PDE4B: variants seen among roughly 807,000 people sequenced by gnomAD.
PDE4B encodes the protein 3',5'-cyclic-AMP phosphodiesterase 4B.
In PDE4B, 20 loss-of-function variants were observed where a neutral mutation model predicts 82.2. That is an observed-to-expected ratio of 0.24 (90% CI 0.17 to 0.35). PDE4B has a LOEUF of 0.35. Ranked by LOEUF, PDE4B falls within the 10% of genes least tolerant of loss-of-function variation. The pLI is 1.00. For missense variants in PDE4B, 655 were observed against 907.2 expected (o/e 0.72, Z 3.57); for synonymous variants, 320 against 318.9 (o/e 1.00, Z -0.04).
At chr1:66,168,827 G>A (rs1175888234) in intron 3 of PDE4B, among the ~76,000 whole-genome samples, 1 of 152,200 alleles carries the variant, frequency 6.6e-6, no homozygotes, top group Non-Finnish European at 1.5e-5. Context: ...GACCATCTGT[G>A]TACCTGTATT....
intron 3 of PDE4B, among the ~76,000 whole-genome samples, chr1:66,090,436 G>T (rs1179910111): frequency 6.6e-6 from 1 of 151,394 alleles, no homozygotes; most frequent in Non-Finnish European, 1.5e-5. Flanking sequence ...GGGAACTTTG[G>T]GTGGCCTATC....
intron 1 of PDE4B, among the ~76,000 whole-genome samples, chr1:65,837,766 C>T (rs973493764): frequency 6.6e-6 from 1 of 152,008 alleles, no homozygotes; most frequent in East Asian, 1.9e-4. Context: ...TTCAAGGGTA[C>T]ATATGCAGAT....
intron 4 of PDE4B, among the ~76,000 whole-genome samples, chr1:66,255,026 C>T (rs1181076751): frequency 6.6e-6 from 1 of 151,628 alleles, no homozygotes; most frequent in African/African-American, 2.4e-5. Flanking sequence ...CTTTTCTTTT[C>T]TCTTTTCTTT....
intron 3 of PDE4B, among the ~76,000 whole-genome samples, chr1:66,106,045 G>T (rs368869901): frequency 2.7e-4 from 41 of 151,850 alleles, no homozygotes; most frequent in African/African-American, 7.2e-4. Flanking sequence ...CTTCCAGTTT[G>T]TGCCCATTCA....
At chr1:65,960,642 T>A (rs1649499468) in intron 3 of PDE4B, among the ~76,000 whole-genome samples, 1 of 152,080 alleles carries the variant, frequency 6.6e-6, no homozygotes, top group South Asian at 2.1e-4. Context: ...TAAAAATATA[T>A]TTTTTCAAAC....
At chr1:66,064,294 A>T (rs922411098) in intron 3 of PDE4B, among the ~76,000 whole-genome samples, 2 of 151,920 alleles carry the variant, frequency 1.3e-5, no homozygotes, top group Non-Finnish European at 1.5e-5. Flanking sequence ...TGACAGTGGG[A>T]AGCCTAGGTC....
At chr1:66,003,649 C>A (rs765872483) in intron 3 of PDE4B, among the ~76,000 whole-genome samples, 27 of 152,178 alleles carry the variant, frequency 1.8e-4, no homozygotes, top group Non-Finnish European at 2.6e-4. Flanking sequence ...CACAGAGGAT[C>A]TGAGCATGCT....
intron 3 of PDE4B, among the ~76,000 whole-genome samples, chr1:66,205,063 G>A (rs139943516): frequency 8.3e-4 from 126 of 152,314 alleles, no homozygotes; most frequent in African/African-American, 2.9e-3. Context: ...GCATGGCCAT[G>A]CCTAAGTTTT....
chr1:65,863,912 G>T (rs1176819526), intron 1 of PDE4B, among the ~76,000 whole-genome samples: 2 of 152,006 alleles, frequency 1.3e-5, no homozygotes, highest in African/African-American at 4.8e-5. Context: ...CACGAAATGG[G>T]TCTCCTGAAT....
chr1:65,820,140 G>C (rs553436222), intron 1 of PDE4B, among the ~76,000 whole-genome samples: 2 of 152,190 alleles, frequency 1.3e-5, no homozygotes, highest in African/African-American at 4.8e-5. Context: ...GACTGAAATT[G>C]GGAATGGAGG....
At chr1:65,934,614 G>A (rs1046822410) in intron 3 of PDE4B, among the ~76,000 whole-genome samples, 4 of 152,156 alleles carry the variant, frequency 2.6e-5, no homozygotes, top group African/African-American at 9.7e-5. Flanking sequence ...AGAAAAATCA[G>A]AGTAAACTAT....
In PDE4B at chr1:65,819,507, T is replaced by C. The variant is rs550079430; in HGVS notation, c.-71+26259T>C. 3.5e-3 allele frequency among the ~76,000 whole-genome samples: 531 copies of C among 150,976 alleles called. 6 individuals are homozygous for C. The highest frequency in any genetic ancestry group is 0.012 in the African/African-American group (504 of 41,204). Reference sequence around the variant, plus strand: ...TTCTCTTGTTTGTTTTTGTTTTGTTTTTTTTTTTTTTTGAGACAGAGTCTC... The same window carrying C: ...TTCTCTTGTTTGTTTTTGTTTTGTTCTTTTTTTTTTTTGAGACAGAGTCTC... On this transcript the variant is annotated intron_variant, in intron 1 of 16. Transcript: ENST00000341517.
At chr1:65,852,061 A>C (rs1189074455) in intron 1 of PDE4B, among the ~76,000 whole-genome samples, 1 of 151,960 alleles carries the variant, frequency 6.6e-6, no homozygotes, top group African/African-American at 2.4e-5. Flanking sequence ...CTCTAGGATA[A>C]ATTTTTCTTG....
intron 3 of PDE4B, among the ~76,000 whole-genome samples, chr1:66,210,775 C>T (rs1342036194): frequency 6.6e-6 from 1 of 151,046 alleles, no homozygotes; most frequent in Non-Finnish European, 1.5e-5. Context: ...CAGCCAAAGT[C>T]ATATAAAAAA....
intron 7 of PDE4B, among the ~76,000 whole-genome samples, chr1:66,314,505 C>T (rs968356589): frequency 2.6e-5 from 4 of 152,130 alleles, no homozygotes; most frequent in Non-Finnish European, 4.4e-5. Flanking sequence ...CTCTGTCTCC[C>T]AGGTTCAAGC....
At chr1:66,361,843 A>G in intron 10 of PDE4B, 50 bp downstream of exon 10, 4 of 1,451,042 alleles carry the variant, frequency 2.8e-6, no homozygotes, top group Non-Finnish European at 2.8e-6. Flanking sequence ...TTTACAGCAG[A>G]CGGATGACCG....
chr1:66,023,054 G>C (rs939747701), intron 3 of PDE4B, among the ~76,000 whole-genome samples: 1 of 152,056 alleles, frequency 6.6e-6, no homozygotes, highest in African/African-American at 2.4e-5. Flanking sequence ...CATTGATTGT[G>C]TGGGGATTGT....
intron 3 of PDE4B, among the ~76,000 whole-genome samples, chr1:66,012,058 ATATCT>A (rs1166142865): frequency 6.6e-6 from 1 of 152,108 alleles, no homozygotes; most frequent in Non-Finnish European, 1.5e-5. Context: ...ATCAAGAATT[ATATCT>A]TATAACTTTT....
intron 3 of PDE4B, among the ~76,000 whole-genome samples, chr1:65,940,765 A>T (rs530130601): frequency 6.6e-6 from 1 of 152,104 alleles, no homozygotes; most frequent in African/African-American, 2.4e-5. Context: ...CCAAAAGATC[A>T]ATTTTGGACA....
Sources: gnomAD v4.1 joint callset for allele counts (sites outside exome capture counted in the v4.1 genomes callset) on GRCh38, gnomAD v4.1.1 for gene constraint, MANE v1.5 for transcripts, NCBI Gene and HGNC (gene_info 2026-07-23, HGNC 2026-07-21) for gene names.